Variants in BICRA observed in about 807,000 individuals in gnomAD.
BICRA encodes the protein BRD4-interacting chromatin-remodeling complex-associated protein.
Under a neutral mutation model 96.9 loss-of-function variants are expected in BICRA, and 31 were observed. That is an observed-to-expected ratio of 0.32 (90% confidence interval 0.24 to 0.43). BICRA has a LOEUF of 0.43. Ranked by LOEUF, BICRA falls within the 20% of genes least tolerant of loss-of-function variation. The pLI is 1.00. For missense variants in BICRA, 2,283 were observed against 2,190.3 expected, an observed-to-expected ratio of 1.04 and a Z score of -0.84; for synonymous variants, 1,350 against 1,071.8, an observed-to-expected ratio of 1.26 and a Z score of -5.07.
Position 47,701,536 on chromosome 19 carries a change from GTCCTCCTCTTCCTCC to G in BICRA, c.3814_3828del (p.Ser1272_Ser1276del). 6.5e-7 allele frequency: 1 copy of G among 1,549,072 alleles called. No individual in the cohort carries two copies. Among genetic ancestry groups the G allele is most frequent in the Non-Finnish European group, 8.7e-7 (1 of 1,147,184 alleles). The stretch of plus-strand genomic sequence containing the variant: ...CCTGGGCCCGGGCGTCCTCCTCCCT[GTCCTCCTCTTCCTCC>G]TCCTCCTCTGCCGCCTCCTCCTTGG... On this transcript the variant is annotated inframe_deletion, in exon 15 of 15. Coordinates refer to ENST00000594866, the MANE Select transcript of BICRA (RefSeq NM_001394372.1). This position sits in a 1 kb window ranked among gnomAD's most constrained non-coding sequence, Gnocchi z 5.4.
chr19:47,693,566 G>A (rs754755168), intron 7 of BICRA, among the ~76,000 whole-genome samples: 5 of 152,222 alleles, frequency 3.3e-5, no homozygotes, highest in Admixed American at 6.5e-5. Flanking sequence ...CCCCCGTGCC[G>A]TGGCCATCAA....
chr19:47,619,951 C>T (rs1272923444), intron 1 of BICRA, among the ~76,000 whole-genome samples: 1 of 152,202 alleles, frequency 6.6e-6, no homozygotes, highest in Admixed American at 6.5e-5. Flanking sequence ...TTGCCCCTTC[C>T]TGGTCAGTAC....
chr19:47,688,300 C>T (rs972224872), intron 7 of BICRA, among the ~76,000 whole-genome samples: 3 of 152,032 alleles, frequency 2.0e-5, no homozygotes, highest in Admixed American at 6.6e-5. Context: ...GAGGGAATCT[C>T]TTGGTGAACA....
chr19:47,695,345 C>CCT lies in BICRA; in HGVS notation c.3077-19_3077-18insTC. On this transcript the variant is annotated intron_variant, in intron 9 of 14. Coordinates refer to ENST00000594866, the MANE Select transcript of BICRA (RefSeq NM_001394372.1). ...TGCAGTGACCGCAGGCCCTGTCTCC[C>CCT]CCACCCCACCCACCCCCAGGCCTCC... The CCT allele has an allele frequency of 5.9e-6, 3 of 507,370 alleles. No homozygotes were observed. Among genetic ancestry groups the CCT allele is most frequent in the South Asian group, 2.1e-5 (1 of 48,356 alleles). 31.4% of individuals were successfully genotyped at this position (507,370 alleles called of 1,614,324 possible).
intron 1 of BICRA, among the ~76,000 whole-genome samples, chr19:47,640,006 T>C (rs1295802843): frequency 2.0e-5 from 3 of 152,144 alleles, no homozygotes; most frequent in African/African-American, 4.8e-5. Context: ...TCTTTCACAG[T>C]GGCATGGTAT....
intron 1 of BICRA, among the ~76,000 whole-genome samples, chr19:47,617,811 TA>T (rs1972007725): frequency 6.6e-6 from 1 of 151,472 alleles, no homozygotes; most frequent in Non-Finnish European, 1.5e-5. Flanking sequence ...TGTGCACATA[TA>T]TTTTTTCTTT....
At chr19:47,631,794 G>A (rs1972225623) in intron 1 of BICRA, among the ~76,000 whole-genome samples, 1 of 152,038 alleles carries the variant, frequency 6.6e-6, no homozygotes, top group Non-Finnish European at 1.5e-5. Flanking sequence ...GACTACAGGT[G>A]CACACTACCA....
chr19:47,680,963 C>T lies in BICRA; in HGVS notation c.1793C>T (p.Thr598Ile). ...LPPSAVAMLN[T>I]PDGLVQPATP... ...CCCAGCGCCGTGGCCATGCTCAACA[C>T]CCCCGACGGCCTGGTGCAGCCGGCC... The change falls in exon 6 of 15, where the codon ACC (threonine) becomes ATC (isoleucine). Residue 598 changes from threonine (T) to isoleucine (I), a missense_variant. By Grantham distance (89) the Thr-to-Ile change is moderately conservative. Coordinates refer to ENST00000594866, the MANE Select transcript of BICRA (RefSeq NM_001394372.1). 1 of 1,475,536 alleles carries T rather than the reference C, an allele frequency of 6.8e-7. No individual in the cohort carries two copies. The highest frequency in any genetic ancestry group is 8.9e-7 in the Non-Finnish European group (1 of 1,122,838). The allele number at this position is 1,475,536 out of a possible 1,614,324, so 91.4% of individuals were successfully genotyped here.
intron 1 of BICRA, among the ~76,000 whole-genome samples, chr19:47,628,350 G>T (rs554770424): frequency 6.6e-6 from 1 of 152,254 alleles, no homozygotes; most frequent in South Asian, 2.1e-4. Flanking sequence ...AGGTGAGGCT[G>T]CTGTGGTCAG....
At chr19:47,620,156 C>T (rs375747733) in intron 1 of BICRA, among the ~76,000 whole-genome samples, 3 of 152,056 alleles carry the variant, frequency 2.0e-5, no homozygotes, top group Admixed American at 1.3e-4. Flanking sequence ...AATTCTTTCC[C>T]GTGAGTATTT....
At chr19:47,651,524 G>C (rs1972540759) in intron 1 of BICRA, among the ~76,000 whole-genome samples, 1 of 152,124 alleles carries the variant, frequency 6.6e-6, no homozygotes, top group Non-Finnish European at 1.5e-5. Flanking sequence ...TCTTGGTTCA[G>C]GGTCTGACTC....
intron 1 of BICRA, among the ~76,000 whole-genome samples, chr19:47,652,270 C>T (rs1041125918): frequency 5.3e-5 from 8 of 152,112 alleles, no homozygotes; most frequent in African/African-American, 1.2e-4. Context: ...ACTGCAGCCT[C>T]GACCTCCCAG....
At position 47,694,990 on chromosome 19, in the gene BICRA, G is replaced by A. The variant is rs1039543056; in HGVS notation, c.2986G>A (p.Ala996Thr). 4.8e-5 allele frequency: 75 copies of A among 1,548,278 alleles called. No individual in the cohort carries two copies. The highest frequency in any genetic ancestry group is 1.7e-4 in the Middle Eastern group (1 of 5,854). Residue 996 changes from alanine to threonine, a missense_variant, in exon 9 of 15, where the codon GCT (alanine) becomes ACT (threonine). By Grantham distance (58) the Ala-to-Thr change is moderately conservative. Coordinates refer to ENST00000594866, the MANE Select transcript of BICRA (RefSeq NM_001394372.1). ...CAGCCTGGGGCCCCTCACCAGCCCCGCTGCGTCTGTGCTGGTCAGTGGGCA... is the reference window on the plus strand; with the variant it reads ...CAGCCTGGGGCCCCTCACCAGCCCCACTGCGTCTGTGCTGGTCAGTGGGCA... ...STSLGPLTSP[A>T]ASVLVSGQAP... is the part of the protein sequence containing the mutation.
intron 1 of BICRA, among the ~76,000 whole-genome samples, chr19:47,656,097 C>CAT (rs1050908255): frequency 1.5e-5 from 2 of 130,844 alleles, no homozygotes; most frequent in African/African-American, 5.7e-5. Context: ...CACACACACA[C>CAT]ACACACACAC....
intron 1 of BICRA, among the ~76,000 whole-genome samples, chr19:47,658,114 G>A (rs1972648277): frequency 6.6e-6 from 1 of 152,218 alleles, no homozygotes; most frequent in South Asian, 2.1e-4. Flanking sequence ...TTAGCCAAAT[G>A]TGAAAACTTT....
In BICRA at chr19:47,680,858, C is replaced by A; in HGVS notation, c.1688C>A (p.Ala563Glu). ...TTCCAGATGCCCGTGTCGCTGGCGGCGGGCAGCCTGCCCACGCAGAGCCAG... is the reference window on the plus strand; with the variant it reads ...TTCCAGATGCCCGTGTCGCTGGCGGAGGGCAGCCTGCCCACGCAGAGCCAG... ...ALFQMPVSLA[A>E]GSLPTQSQPA... is the part of the protein sequence containing the mutation. The change falls in exon 6 of 15, where the codon GCG (alanine) becomes GAG (glutamate). Residue 563 changes from alanine (A) to glutamate (E), a missense_variant. Coordinates refer to ENST00000594866, the MANE Select transcript of BICRA (RefSeq NM_001394372.1). 1 of 1,560,530 alleles carries A rather than the reference C, an allele frequency of 6.4e-7. No individual in the cohort carries two copies. Among genetic ancestry groups the A allele is most frequent in the Non-Finnish European group, 8.6e-7 (1 of 1,162,700 alleles).
rs1416862521 is a variant in BICRA, at chr19:47,687,210, C to T, written c.2283+5058C>T. Among the ~76,000 whole-genome samples, 9 of 152,002 alleles carry T rather than the reference C, an allele frequency of 5.9e-5. 1 individual carries two copies. Among genetic ancestry groups the T allele is most frequent in the Admixed American group, 1.3e-4 (2 of 15,260 alleles). ...TTATAGCACAAAAGCAGCCACAGACCATATGTAAATGAATGAACACGGGAG... is the reference window on the plus strand; with the variant it reads ...TTATAGCACAAAAGCAGCCACAGACTATATGTAAATGAATGAACACGGGAG... On this transcript the variant is annotated intron_variant, in intron 7 of 14. Transcript: ENST00000594866.
At position 47,695,041 on chromosome 19, in the gene BICRA, C is replaced by T. The variant is rs1973313561; in HGVS notation, c.3037C>T (p.Pro1013Ser). Residue 1013 changes from proline to serine, a missense_variant, in exon 9 of 15, where the codon CCC becomes TCC. Pro to Ser is a moderately conservative substitution (Grantham distance 74). Coordinates refer to ENST00000594866, the MANE Select transcript of BICRA (RefSeq NM_001394372.1). ...GGCCCCATCTGGGACCCCCACTGCC[C>T]CCAGCCACGCCCCCGCCCCGGCACC... is the stretch of plus-strand genomic sequence containing the variant. ...GQAPSGTPTA[P>S]SHAPAPAPMA... 1.3e-6 allele frequency: 2 copies of T among 1,499,864 alleles called. No homozygotes were observed. Among genetic ancestry groups the T allele is most frequent in the East Asian group, 4.9e-5 (2 of 40,794 alleles). 92.9% of individuals were successfully genotyped at this position (1,499,864 alleles called of 1,614,324 possible). A position where few individuals can be genotyped will look rare whatever the true frequency, so the allele number is the denominator to read the frequency against.
At chr19:47,649,377 A>G (rs976241876) in intron 1 of BICRA, among the ~76,000 whole-genome samples, 1 of 152,216 alleles carries the variant, frequency 6.6e-6, no homozygotes, top group African/African-American at 2.4e-5. Flanking sequence ...AATTTAGTTA[A>G]AAGTTGATCT....
Sources: gnomAD v4.1 joint callset for allele counts (sites outside exome capture counted in the v4.1 genomes callset) on GRCh38, gnomAD v4.1.1 for gene constraint, Gnocchi (gnomAD v3.1) non-coding constraint, MANE v1.5 for transcripts, NCBI Gene and HGNC (gene_info 2026-07-23, HGNC 2026-07-21) for gene names.